Variants in TMPRSS11A observed in about 807,000 individuals in gnomAD.
The protein encoded by TMPRSS11A is transmembrane protease serine 11A.
Under a neutral mutation model 58.9 loss-of-function variants are expected in TMPRSS11A, and 53 were observed. The ratio of observed to expected loss-of-function variants is 0.90; its 90% CI spans 0.72 to 1.13. The LOEUF is 1.13. Ranked by LOEUF, TMPRSS11A falls within the 50% of genes most tolerant of loss-of-function variation. The pLI is 0.00. For missense variants in TMPRSS11A, 493 were observed against 499.3 expected (o/e 0.99, Z 0.12); for synonymous variants, 167 against 169.8 (o/e 0.98, Z 0.13).
intron 5 of TMPRSS11A, among the ~76,000 whole-genome samples, chr4:67,928,132 C>T (rs1720519559): frequency 6.6e-6 from 1 of 152,292 alleles, no homozygotes; most frequent in African/African-American, 2.4e-5. Flanking sequence ...GCAACCTCCG[C>T]CTCCCGGGTT....
At position 67,911,320 on chromosome 4, in the gene TMPRSS11A, T is replaced by TTG. The variant is rs1200585630; in HGVS notation, c.*21_*22insCA. 1 of 1,611,800 alleles carries TTG rather than the reference T, an allele frequency of 6.2e-7. No homozygotes were observed. The highest frequency in any genetic ancestry group is 1.1e-5 in the South Asian group (1 of 90,838). ...CATATATGACCTGCATACAGCTTTC[T>TTG]TTGTTTAACTTTTATCGTGAATTAG... On this transcript the variant is annotated 3_prime_UTR_variant, in exon 10 of 10. Transcript: ENST00000508048.
At chr4:67,953,518 G>A (rs995908473) in intron 1 of TMPRSS11A, among the ~76,000 whole-genome samples, 1 of 152,118 alleles carries the variant, frequency 6.6e-6, no homozygotes, top group Non-Finnish European at 1.5e-5. Flanking sequence ...ATTTCTTGGG[G>A]CCAGGTGTGG....
chr4:67,930,485 T>C (rs184276739), intron 4 of TMPRSS11A, among the ~76,000 whole-genome samples: 1 of 152,300 alleles, frequency 6.6e-6, no homozygotes, highest in East Asian at 1.9e-4. Context: ...GCTCTGCTTT[T>C]AAGAGTTCAT....
At chr4:67,930,831 C>CA (rs1165212348) in intron 4 of TMPRSS11A, among the ~76,000 whole-genome samples, 10,031 of 74,930 alleles carry the variant, frequency 0.13, 455 homozygotes, top group East Asian at 0.38. Flanking sequence ...TTTTTTTTTA[C>CA]AAAAAAAAAA....
At chr4:67,936,835 A>G (rs1298240825) in intron 3 of TMPRSS11A, among the ~76,000 whole-genome samples, 2 of 152,250 alleles carry the variant, frequency 1.3e-5, no homozygotes, top group Non-Finnish European at 2.9e-5. Context: ...AGAAAAAAGT[A>G]TTAATTCTCA....
intron 3 of TMPRSS11A, among the ~76,000 whole-genome samples, chr4:67,942,951 G>A (rs1372845498): frequency 6.6e-6 from 1 of 152,168 alleles, no homozygotes; most frequent in East Asian, 1.9e-4. Context: ...TTAAAAGCAA[G>A]TGTACGCAAA....
intron 6 of TMPRSS11A, among the ~76,000 whole-genome samples, chr4:67,923,901 G>A (rs1440771094): frequency 3.3e-5 from 5 of 152,000 alleles, no homozygotes; most frequent in Admixed American, 3.3e-4. Context: ...AAAAATAAAT[G>A]CTTTCTTCAA....
At chr4:67,950,775 A>T (rs1577870725) in intron 1 of TMPRSS11A, among the ~76,000 whole-genome samples, 2 of 152,264 alleles carry the variant, frequency 1.3e-5, no homozygotes, top group African/African-American at 4.8e-5. Flanking sequence ...TGGTAAGCAT[A>T]GAATTAAAAA....
intron 1 of TMPRSS11A, among the ~76,000 whole-genome samples, chr4:67,954,797 A>G (rs1721244810): frequency 6.6e-6 from 1 of 152,194 alleles, no homozygotes; most frequent in Non-Finnish European, 1.5e-5. Context: ...GTAGCTTTGC[A>G]ATGTGAGGCA....
chr4:67,941,586 A>T (rs1720880462), intron 3 of TMPRSS11A, among the ~76,000 whole-genome samples: 1 of 152,174 alleles, frequency 6.6e-6, no homozygotes, highest in Non-Finnish European at 1.5e-5. Context: ...TTTCTGCAAG[A>T]CCCAGGTGCC....
rs1719966087 is a variant in TMPRSS11A, at chr4:67,911,162, T to C, written c.*180A>G. The C allele has an allele frequency of 3.9e-6, 2 of 510,416 alleles. No individual in the cohort carries two copies. Among genetic ancestry groups the C allele is most frequent in the South Asian group, 9.3e-5 (2 of 21,426 alleles). The allele number at this position is 510,416 out of a possible 1,614,324, so 31.6% of individuals were successfully genotyped here. ...CATTACTTTACAAATAAAAGTCCCT[T>C]ATAAATTGGCTAAGGATTATTGGTT... On this transcript the variant is annotated 3_prime_UTR_variant, in exon 10 of 10. Coordinates refer to ENST00000508048, the MANE Select transcript of TMPRSS11A (RefSeq NM_001114387.2).
chr4:67,941,346 G>A (rs776796948), intron 3 of TMPRSS11A, among the ~76,000 whole-genome samples: 4 of 152,112 alleles, frequency 2.6e-5, no homozygotes, highest in South Asian at 2.1e-4. Flanking sequence ...AACCTGGTGC[G>A]GGATGGGAGG....
rs138118752 is a variant in TMPRSS11A, at chr4:67,930,954, A to G, written c.321-914T>C. On this transcript the variant is annotated intron_variant, in intron 4 of 9. Coordinates refer to ENST00000508048, the MANE Select transcript of TMPRSS11A (RefSeq NM_001114387.2). ...TAGGCTCTGGAATATAAAGATCTAAATAACTAGAATTTTATGTCAAATTGG... is the reference window on the plus strand; with the variant it reads ...TAGGCTCTGGAATATAAAGATCTAAGTAACTAGAATTTTATGTCAAATTGG... Among the ~76,000 whole-genome samples, 78 of 151,960 alleles carry G rather than the reference A, an allele frequency of 5.1e-4. No homozygotes were observed. The Middle Eastern group carries it at 0.014, about 27-fold the overall frequency.
At chr4:67,958,367 C>T (rs1721339823) in intron 1 of TMPRSS11A, among the ~76,000 whole-genome samples, 1 of 152,200 alleles carries the variant, frequency 6.6e-6, no homozygotes, top group African/African-American at 2.4e-5. Context: ...TTGGAGCTGC[C>T]CAAGGCCATG....
intron 9 of TMPRSS11A, among the ~76,000 whole-genome samples, chr4:67,912,644 G>GA (rs1282151133): frequency 6.6e-6 from 1 of 152,114 alleles, no homozygotes; most frequent in East Asian, 1.9e-4. Context: ...TTTGAAATTT[G>GA]AATGTGTTTT....
intron 8 of TMPRSS11A, among the ~76,000 whole-genome samples, chr4:67,915,520 G>A (rs73825614): frequency 0.029 from 4,432 of 152,208 alleles, 210 homozygotes; most frequent in African/African-American, 0.1. Context: ...TATGTTATAT[G>A]GCCAAGATGA....
chr4:67,953,737 G>C (rs1721216668), intron 1 of TMPRSS11A, among the ~76,000 whole-genome samples: 1 of 151,986 alleles, frequency 6.6e-6, no homozygotes, highest in Non-Finnish European at 1.5e-5. Flanking sequence ...GGCAGAGTTT[G>C]CAGTGAGCCA....
intron 1 of TMPRSS11A, among the ~76,000 whole-genome samples, chr4:67,961,621 T>A (rs1290620816): frequency 6.6e-6 from 1 of 151,228 alleles, no homozygotes; most frequent in African/African-American, 2.4e-5. Context: ...AGTGATTTTC[T>A]TGCCTCACCC....
At position 67,961,482 on chromosome 4, in the gene TMPRSS11A, C is replaced by CTTTTTTTTTTTTTTTTTTTTTTT. The variant is rs1721418705; in HGVS notation, c.11+1900_11+1901insAAAAAAAAAAAAAAAAAAAAAAA. ...CTTTTCTTTCCTTTCCTTTTCTTTT[C>CTTTTTTTTTTTTTTTTTTTTTTT]CTTTTTTTTTTTTTTTTTTTTTTTT... On this transcript the variant is annotated intron_variant, in intron 1 of 9. Transcript: ENST00000508048. Among the ~76,000 whole-genome samples the CTTTTTTTTTTTTTTTTTTTTTTT allele has an allele frequency of 2.0e-5, 2 of 102,452 alleles. 1 individual carries two copies. Among genetic ancestry groups the CTTTTTTTTTTTTTTTTTTTTTTT allele is most frequent in the African/African-American group, 9.5e-5 (2 of 20,958 alleles). The allele number at this position is 102,452 out of a possible 152,430, so 67.2% of individuals were successfully genotyped here.
Sources: gnomAD v4.1 joint callset for allele counts (sites outside exome capture counted in the v4.1 genomes callset) on GRCh38, gnomAD v4.1.1 for gene constraint, MANE v1.5 for transcripts, NCBI Gene and HGNC (gene_info 2026-07-23, HGNC 2026-07-21) for gene names.